Variants in KCNN2 observed in about 807,000 individuals in gnomAD.
KCNN2 encodes the protein small conductance calcium-activated potassium channel protein 2.
In KCNN2, 24 loss-of-function variants were observed where a neutral mutation model predicts 55.5. The ratio of observed to expected loss-of-function variants is 0.43; its 90% CI spans 0.31 to 0.61. The LOEUF is 0.61. Among genes scored for constraint, KCNN2 ranks in the 20% least tolerant of loss-of-function variants. The pLI is 0.08. For synonymous variants in KCNN2, 431 were observed against 336.1 expected, an observed-to-expected ratio of 1.28 and a Z score of -3.09; for missense variants, 754 against 853.6, an observed-to-expected ratio of 0.88 and a Z score of 1.45.
chr5:114,308,990 T>C (rs2150025265), intron 2 of KCNN2, among the ~76,000 whole-genome samples: 1 of 152,144 alleles, frequency 6.6e-6, no homozygotes, highest in South Asian at 2.1e-4. Flanking sequence ...ATTTACTCCG[T>C]GACTCAAAAT....
chr5:114,407,527 A>G (rs1758975431), intron 3 of KCNN2, among the ~76,000 whole-genome samples: 1 of 152,016 alleles, frequency 6.6e-6, no homozygotes, highest in Non-Finnish European at 1.5e-5. Context: ...TGTTTCCCCA[A>G]AGATGCATTT....
At chr5:114,366,956 C>T (rs1375884125) in intron 2 of KCNN2, among the ~76,000 whole-genome samples, 2 of 152,058 alleles carry the variant, frequency 1.3e-5, no homozygotes, top group Non-Finnish European at 2.9e-5. Flanking sequence ...AGTAAAAGCT[C>T]GCCAGTGCAG....
At chr5:114,486,699 GA>G in intron 5 of KCNN2, 1 of 1,279,796 alleles carries the variant, frequency 7.8e-7, no homozygotes, top group African/African-American at 1.5e-5. Flanking sequence ...TTTCTGCAGG[GA>G]AAGGAAGATC....
intron 2 of KCNN2, among the ~76,000 whole-genome samples, chr5:114,226,364 T>C (rs1229303822): frequency 2.0e-5 from 3 of 152,196 alleles, no homozygotes; most frequent in Non-Finnish European, 4.4e-5. Context: ...TTATTTCCTA[T>C]ACCTTCACAA....
intron 5 of KCNN2, among the ~76,000 whole-genome samples, chr5:114,483,682 G>C (rs1762329939): frequency 6.6e-6 from 1 of 151,372 alleles, no homozygotes; most frequent in Non-Finnish European, 1.5e-5. Flanking sequence ...TTGATTACTA[G>C]TGAGGCAGAG....
At chr5:114,090,806 C>G (rs1184391737) in intron 1 of KCNN2, among the ~76,000 whole-genome samples, 1 of 151,910 alleles carries the variant, frequency 6.6e-6, no homozygotes, top group Non-Finnish European at 1.5e-5. Flanking sequence ...CTTCCAATAC[C>G]AGTAGCCACC....
chr5:114,074,570 G>C (rs1337258214), intron 1 of KCNN2, among the ~76,000 whole-genome samples: 6 of 152,130 alleles, frequency 3.9e-5, no homozygotes, highest in Non-Finnish European at 4.4e-5. Context: ...GATTTTTAAA[G>C]AAAAGCACTA....
chr5:114,203,349 T>C (rs1753711601), intron 1 of KCNN2, among the ~76,000 whole-genome samples: 1 of 152,216 alleles, frequency 6.6e-6, no homozygotes, highest in South Asian at 2.1e-4. Flanking sequence ...GATTCTAATG[T>C]CCTGATGTTC....
chr5:114,075,420 C>T (rs1397939387), intron 1 of KCNN2, among the ~76,000 whole-genome samples: 1 of 152,140 alleles, frequency 6.6e-6, no homozygotes. Flanking sequence ...TTTCCAATTT[C>T]TCTTTGATCT....
intron 3 of KCNN2, among the ~76,000 whole-genome samples, chr5:114,433,312 T>A (rs1187501667): frequency 6.6e-6 from 1 of 152,224 alleles, no homozygotes; most frequent in African/African-American, 2.4e-5. Context: ...GCTACTCTGG[T>A]GGGGCCTTGG....
chr5:114,096,011 C>G (rs13158766), intron 1 of KCNN2, among the ~76,000 whole-genome samples: 21,579 of 152,080 alleles, frequency 0.14, 1,645 homozygotes, highest in Middle Eastern at 0.2. Flanking sequence ...ACCTATGGAT[C>G]TATAGATCCT....
intron 2 of KCNN2, among the ~76,000 whole-genome samples, chr5:114,392,578 A>G (rs1423045498): frequency 6.6e-6 from 1 of 152,118 alleles, no homozygotes; most frequent in Admixed American, 6.6e-5. Flanking sequence ...AGGATTGGTG[A>G]ATTCTGAACA....
intron 2 of KCNN2, among the ~76,000 whole-genome samples, chr5:114,365,180 G>C (rs989028752): frequency 6.6e-6 from 1 of 152,140 alleles, no homozygotes; most frequent in Non-Finnish European, 1.5e-5. Flanking sequence ...ATTACTTCAC[G>C]TTGCCTTTAT....
chr5:114,215,614 C>T (rs568961200), intron 1 of KCNN2, among the ~76,000 whole-genome samples: 4 of 152,094 alleles, frequency 2.6e-5, no homozygotes, highest in African/African-American at 9.7e-5. Context: ...CTTTTGCATT[C>T]CCTCCTTGAG....
chr5:114,300,830 T>G (rs987892612), intron 2 of KCNN2, among the ~76,000 whole-genome samples: 18 of 152,290 alleles, frequency 1.2e-4, no homozygotes, highest in African/African-American at 4.1e-4. Context: ...AAAGCACATA[T>G]TTTCTGCTCT....
At chr5:114,150,619 A>G (rs558384166) in intron 1 of KCNN2, among the ~76,000 whole-genome samples, 1 of 152,326 alleles carries the variant, frequency 6.6e-6, no homozygotes, top group East Asian at 1.9e-4. Context: ...ATGAGGGCTC[A>G]GGAATCAGAC....
intron 1 of KCNN2, among the ~76,000 whole-genome samples, chr5:114,059,632 T>TA (rs1750285061): frequency 6.6e-6 from 1 of 152,190 alleles, no homozygotes; most frequent in African/African-American, 2.4e-5. Context: ...GCTGCTGGTG[T>TA]CTGAAGGCTG....
chr5:114,067,370 A>C lies in KCNN2; in HGVS notation c.-271+10870A>C, dbSNP rs143416966. 5.3e-5 allele frequency among the ~76,000 whole-genome samples: 8 copies of C among 152,318 alleles called. No homozygotes were observed. The East Asian group carries it at 1.5e-3, about 29-fold the overall frequency. ...CCCCAGACTGGCTCAGTTGAAACTGATGAAATGAAGCTACATTTTCAACAA... is the reference window on the plus strand; with the variant it reads ...CCCCAGACTGGCTCAGTTGAAACTGCTGAAATGAAGCTACATTTTCAACAA... On this transcript the variant is annotated intron_variant, in intron 1 of 10. Coordinates refer to the KCNN2 transcript ENST00000512097.
chr5:114,474,892 GAA>G (rs560628518), intron 5 of KCNN2, among the ~76,000 whole-genome samples: 2 of 142,458 alleles, frequency 1.4e-5, no homozygotes, highest in African/African-American at 5.1e-5. Flanking sequence ...AATCTTAACA[GAA>G]AAAAAAAAAG....
Sources: allele counts gnomAD v4.1 joint callset (sites outside exome capture counted in the v4.1 genomes callset), GRCh38; gene constraint gnomAD v4.1.1; transcripts MANE v1.5; gene names NCBI Gene and HGNC (gene_info 2026-07-23, HGNC 2026-07-21).